The following LSAMP variants were observed in gnomAD, a reference collection of about 807,000 sequenced individuals.
The protein encoded by LSAMP is limbic system-associated membrane protein.
LSAMP carries 7 observed loss-of-function variants against 38.6 expected under a neutral mutation model. The observed-to-expected ratio is 0.18, with a 90% CI of 0.10 to 0.34. The LOEUF (loss-of-function observed/expected upper bound fraction) is 0.34. Ranked by LOEUF, LSAMP falls within the 10% of genes least tolerant of loss-of-function variation. The pLI is 1.00. For synonymous variants in LSAMP, 154 were observed against 166.8 expected (o/e 0.92, Z 0.59); for missense variants, 313 against 420.0 (o/e 0.75, Z 2.23).
chr3:116,036,059 C>G (rs777459061), intron 2 of LSAMP, among the ~76,000 whole-genome samples: 25 of 152,308 alleles, frequency 1.6e-4, no homozygotes, highest in Non-Finnish European at 1.3e-4. Flanking sequence ...ATAAACTGAA[C>G]TGGACTACAT....
At chr3:116,384,835 T>A (rs2048604891) in intron 1 of LSAMP, among the ~76,000 whole-genome samples, 2 of 152,206 alleles carry the variant, frequency 1.3e-5, no homozygotes, top group Admixed American at 1.3e-4. Flanking sequence ...TAAGTAATTA[T>A]GTTTTTCTAA....
intron 3 of LSAMP, among the ~76,000 whole-genome samples, chr3:115,876,106 A>G (rs780561677): frequency 6.6e-6 from 1 of 151,946 alleles, no homozygotes; most frequent in Non-Finnish European, 1.5e-5. Flanking sequence ...TTTCATGCTT[A>G]TCAGTCATAG....
At chr3:115,866,543 G>C (rs1190982508) in intron 3 of LSAMP, among the ~76,000 whole-genome samples, 1 of 152,122 alleles carries the variant, frequency 6.6e-6, no homozygotes, top group Non-Finnish European at 1.5e-5. Context: ...TGAACTTGGA[G>C]AATGACAGAT....
At chr3:116,367,303 T>TA (rs993701096) in intron 1 of LSAMP, among the ~76,000 whole-genome samples, 1 of 152,032 alleles carries the variant, frequency 6.6e-6, no homozygotes, top group African/African-American at 2.4e-5. Context: ...TAGTGAAAGG[T>TA]AAAAAGAGAA....
At chr3:116,009,901 A>G (rs1940276085) in intron 3 of LSAMP, among the ~76,000 whole-genome samples, 1 of 152,004 alleles carries the variant, frequency 6.6e-6, no homozygotes, top group Admixed American at 6.6e-5. Context: ...TGCAATAGAC[A>G]TTTCACAGTG....
intron 2 of LSAMP, among the ~76,000 whole-genome samples, chr3:116,022,307 T>C (rs1940662496): frequency 6.6e-6 from 1 of 152,132 alleles, no homozygotes; most frequent in Non-Finnish European, 1.5e-5. Flanking sequence ...CCTTTTTTAT[T>C]TTTATTTTTT....
intron 1 of LSAMP, among the ~76,000 whole-genome samples, chr3:116,438,244 A>G (rs752002401): frequency 6.6e-6 from 1 of 152,152 alleles, no homozygotes; most frequent in Non-Finnish European, 1.5e-5. Context: ...AAAATTTTCT[A>G]AAAGTTATAT....
At chr3:116,156,388 T>C (rs533854681) in intron 1 of LSAMP, among the ~76,000 whole-genome samples, 3 of 152,258 alleles carry the variant, frequency 2.0e-5, no homozygotes, top group African/African-American at 7.2e-5. Context: ...TATTTCCATC[T>C]GAACACTTAT....
In LSAMP at chr3:116,056,502, C is replaced by T. The variant is rs147700555; in HGVS notation, c.388+29822G>A. ...GTAACCCAGATATGTCATAATGGTA[C>T]TTATTATTAGTAGAAAGTAGAAAGC... On this transcript the variant is annotated intron_variant, in intron 2 of 6. Transcript: ENST00000490035. Among the ~76,000 whole-genome samples the T allele has an allele frequency of 3.4e-3, 511 of 152,206 alleles. 3 individuals carry two copies. The highest frequency in any genetic ancestry group is 0.012 in the African/African-American group (485 of 41,562).
intron 3 of LSAMP, among the ~76,000 whole-genome samples, chr3:115,877,416 A>G (rs1284353297): frequency 6.6e-6 from 1 of 152,156 alleles, no homozygotes; most frequent in Non-Finnish European, 1.5e-5. Context: ...TCTCAAATAC[A>G]TGTACATATT....
chr3:116,069,439 C>T (rs756809269), intron 2 of LSAMP, among the ~76,000 whole-genome samples: 4 of 151,996 alleles, frequency 2.6e-5, no homozygotes, highest in African/African-American at 4.8e-5. Context: ...TGTTAGCAGC[C>T]GAAAGATTTT....
chr3:116,169,393 G>C (rs1415449033), intron 1 of LSAMP, among the ~76,000 whole-genome samples: 2 of 152,180 alleles, frequency 1.3e-5, no homozygotes, highest in Non-Finnish European at 1.5e-5. Context: ...ATCCTGACCA[G>C]AGAAAAAAGT....
intron 2 of LSAMP, among the ~76,000 whole-genome samples, chr3:116,081,855 A>C (rs1344144767): frequency 6.6e-6 from 1 of 152,188 alleles, no homozygotes; most frequent in Non-Finnish European, 1.5e-5. Flanking sequence ...AAAAAAAATT[A>C]TCTCCAATTT....
At chr3:116,174,592 C>A (rs1459837344) in intron 1 of LSAMP, among the ~76,000 whole-genome samples, 1 of 151,968 alleles carries the variant, frequency 6.6e-6, no homozygotes, top group South Asian at 2.1e-4. Context: ...TCAAATCTAG[C>A]CATATTTTAT....
intron 3 of LSAMP, among the ~76,000 whole-genome samples, chr3:115,862,636 A>G (rs1226730496): frequency 6.6e-6 from 1 of 152,212 alleles, no homozygotes; most frequent in African/African-American, 2.4e-5. Flanking sequence ...AGGTTTAAGT[A>G]TGAATTAAAG....
chr3:116,156,516 T>G lies in LSAMP; in HGVS notation c.156-69960A>C, dbSNP rs1709752383. On this transcript the variant is annotated intron_variant, in intron 1 of 6. Transcript: ENST00000490035. Reference sequence around the variant, plus strand: ...TGCCTGGATGTCGGTGGACAGAAAGTGTGATGTGATGGTGATATTGCTACT... The same window carrying G: ...TGCCTGGATGTCGGTGGACAGAAAGGGTGATGTGATGGTGATATTGCTACT... 2.6e-5 allele frequency among the ~76,000 whole-genome samples: 4 copies of G among 152,058 alleles called. 1 individual carries two copies. In the South Asian group the frequency reaches 6.2e-4, roughly 24 times the overall value.
rs116040128 is a variant in LSAMP, at chr3:116,281,812, G to A, written c.155+163065C>T. ...CCCCACATTTAAAGTTTCTGTGGCT[G>A]TTGGGTATTTCCCCACGTTGTCTAT... On this transcript the variant is annotated intron_variant, in intron 1 of 6. Transcript: ENST00000490035. 3.7e-3 allele frequency among the ~76,000 whole-genome samples: 557 copies of A among 152,262 alleles called. 5 individuals are homozygous for A. The highest frequency in any genetic ancestry group is 0.013 in the African/African-American group (541 of 41,558).
intron 3 of LSAMP, among the ~76,000 whole-genome samples, chr3:115,868,931 C>T (rs924624719): frequency 6.6e-6 from 1 of 151,866 alleles, no homozygotes; most frequent in African/African-American, 2.4e-5. Context: ...CTTCAATACA[C>T]ACAATTCTAC....
chr3:116,417,671 C>T (rs148575842), intron 1 of LSAMP, among the ~76,000 whole-genome samples: 2 of 152,282 alleles, frequency 1.3e-5, no homozygotes, highest in African/African-American at 4.8e-5. Context: ...GTTTGGCTTA[C>T]ATCTTGGCCA....
Sources: allele counts gnomAD v4.1 joint callset (sites outside exome capture counted in the v4.1 genomes callset), GRCh38; gene constraint gnomAD v4.1.1; transcripts MANE v1.5; gene names NCBI Gene and HGNC (gene_info 2026-07-23, HGNC 2026-07-21).